ARHGEF4: variants seen among roughly 807,000 people sequenced by gnomAD.
ARHGEF4 encodes the protein APC-stimulated guanine nucleotide exchange factor 1.
A neutral mutation model predicts 162.0 loss-of-function variants in ARHGEF4; 119 were observed. That is an observed-to-expected ratio of 0.73 (90% CI 0.63 to 0.86). The LOEUF is 0.86. Ranked by LOEUF, ARHGEF4 falls within the 40% of genes least tolerant of loss-of-function variation. The pLI is 0.00. For synonymous variants in ARHGEF4, 1,014 were observed against 979.9 expected (o/e 1.03, Z -0.65); for missense variants, 2,488 against 2,456.0 (o/e 1.01, Z -0.28).
rs550602855 is a variant in ARHGEF4 at position 131,039,976 on chromosome 2, G to A, written c.4306-40G>A. On this transcript the variant is annotated intron_variant, in intron 6 of 13. Transcript: ENST00000409359. ...GGCGCAGGGCGCGGGGCGTTGCTCC[G>A]AGGGATGCGGGGCACTGACCGGCCA... 17 of 1,544,246 alleles carry A rather than the reference G, an allele frequency of 1.1e-5. No individual in the cohort carries two copies. The African/African-American group carries it at 1.8e-4, about 16-fold the overall frequency.
At chr2:130,912,266 G>T (rs981009408) in intron 1 of ARHGEF4, among the ~76,000 whole-genome samples, 3 of 152,252 alleles carry the variant, frequency 2.0e-5, no homozygotes, top group Admixed American at 6.5e-5. Context: ...CAGTCAGGGC[G>T]CCTGGCCCCA....
chr2:131,034,937 G>T, intron 5 of ARHGEF4: 1 of 974,970 alleles, frequency 1.0e-6, no homozygotes, highest in Non-Finnish European at 1.2e-6. Context: ...CAGGGCTTGG[G>T]GCCTGGGAGG....
rs1178134012 is a variant in ARHGEF4 at position 130,915,776 on chromosome 2, T to C, written c.1830T>C (p.Gly610=). ...GAEEGEQGPG[G]AGGRQLEPKA... is the part of the protein sequence containing the mutation. The stretch of plus-strand genomic sequence containing the variant: ...AGGAGGGTGAACAGGGGCCTGGGGG[T>C]GCCGGGGGCCGGCAGCTGGAGCCCA... The change falls in exon 2 of 14, where the codon GGT becomes GGC. Residue 610 remains glycine, a synonymous_variant. Transcript: ENST00000409359. 1.3e-6 allele frequency: 2 copies of C among 1,527,712 alleles called. No homozygotes were observed. Among genetic ancestry groups the C allele is most frequent in the Non-Finnish European group, 1.8e-6 (2 of 1,136,116 alleles). The allele number at this position is 1,527,712 out of a possible 1,614,324, so 94.6% of individuals were successfully genotyped here. A position where few individuals can be genotyped will look rare whatever the true frequency, so the allele number is the denominator to read the frequency against.
chr2:130,993,009 T>C (rs1031779773), intron 4 of ARHGEF4, among the ~76,000 whole-genome samples: 1 of 152,168 alleles, frequency 6.6e-6, no homozygotes, highest in African/African-American at 2.4e-5. Context: ...GTTTGAATCC[T>C]GGAGGCGGAG....
At chr2:130,991,323 C>T (rs936944818) in intron 4 of ARHGEF4, among the ~76,000 whole-genome samples, 1 of 152,270 alleles carries the variant, frequency 6.6e-6, no homozygotes, top group Non-Finnish European at 1.5e-5. Flanking sequence ...GGCGCCTCCT[C>T]TGCGTGGGCT....
intron 4 of ARHGEF4, among the ~76,000 whole-genome samples, chr2:130,952,762 A>G (rs1035951654): frequency 1.3e-5 from 2 of 152,244 alleles, no homozygotes; most frequent in Non-Finnish European, 2.9e-5. Context: ...ATTCCTATAC[A>G]CTAATAACAG....
chr2:130,965,861 GGA>G (rs146398828), intron 4 of ARHGEF4, among the ~76,000 whole-genome samples: 2 of 152,020 alleles, frequency 1.3e-5, no homozygotes, highest in Admixed American at 6.6e-5. Flanking sequence ...ATGAAGATCT[GGA>G]GAGAGAGAGA....
chr2:130,936,887 C>CTTTTTTT (rs78056401), intron 3 of ARHGEF4, among the ~76,000 whole-genome samples: 1 of 135,990 alleles, frequency 7.4e-6, no homozygotes, highest in African/African-American at 2.8e-5. Context: ...CTCTTTCTTT[C>CTTTTTTT]TTTTTTTTTT....
Position 131,046,214 on chromosome 2 carries a change from G to C in ARHGEF4, c.*25G>C. 2 of 1,590,282 alleles carry C rather than the reference G, an allele frequency of 1.3e-6. No individual in the cohort carries two copies. Among genetic ancestry groups the C allele is most frequent in the East Asian group, 2.3e-5 (1 of 44,030 alleles). ...AACTGGTCCCTGCCTGACAGCACCT[G>C]CTGGGCCTTCCTGCCAGTGGCCCCC... On this transcript the variant is annotated 3_prime_UTR_variant, in exon 14 of 14. Coordinates refer to ENST00000409359, the MANE Select transcript of ARHGEF4 (RefSeq NM_001367493.1).
chr2:130,873,255 G>A (rs1222976980), intron 1 of ARHGEF4, among the ~76,000 whole-genome samples: 1 of 152,166 alleles, frequency 6.6e-6, no homozygotes, highest in South Asian at 2.1e-4. Context: ...TGTGGCAAAG[G>A]TTCAACAAAT....
At chr2:130,871,364 T>C (rs1448063010) in intron 1 of ARHGEF4, among the ~76,000 whole-genome samples, 1 of 151,940 alleles carries the variant, frequency 6.6e-6, no homozygotes, top group African/African-American at 2.4e-5. Flanking sequence ...GGTGAAACCT[T>C]GTCTCTACTA....
intron 9 of ARHGEF4, 109 bp downstream of exon 9, chr2:131,041,571 A>G: frequency 8.1e-7 from 1 of 1,237,142 alleles, no homozygotes; most frequent in Non-Finnish European, 1.1e-6. Flanking sequence ...GGGGCAACAC[A>G]CAGAAAACTA....
chr2:130,985,583 A>C (rs1686428076), intron 4 of ARHGEF4, among the ~76,000 whole-genome samples: 1 of 152,142 alleles, frequency 6.6e-6, no homozygotes, highest in African/African-American at 2.4e-5. Flanking sequence ...TGATGTGATG[A>C]GTTTCAGTTC....
chr2:131,010,111 T>A (rs1688351075), intron 4 of ARHGEF4, among the ~76,000 whole-genome samples: 1 of 152,222 alleles, frequency 6.6e-6, no homozygotes, highest in Non-Finnish European at 1.5e-5. Context: ...GCCAGAGATT[T>A]GGGCAGAGCT....
intron 1 of ARHGEF4, among the ~76,000 whole-genome samples, chr2:130,853,988 G>A (rs1681591090): frequency 6.6e-6 from 1 of 152,180 alleles, no homozygotes; most frequent in Admixed American, 6.5e-5. Context: ...AGAGGTCTTA[G>A]TCCTCTTGTC....
In ARHGEF4 at chr2:130,978,560, C is replaced by T. The variant is rs555151986; in HGVS notation, c.3985+31925C>T. Among the ~76,000 whole-genome samples, 8 of 152,310 alleles carry T rather than the reference C, an allele frequency of 5.3e-5. No homozygotes were observed. The South Asian group carries it at 1.5e-3, about 28-fold the overall frequency. On this transcript the variant is annotated intron_variant, in intron 4 of 13. Transcript: ENST00000409359. ...TCAAAGCCCTGAGAAAATAACCAGT[C>T]CCTTCAATTGTGTCGCATTACAAAA...
intron 1 of ARHGEF4, among the ~76,000 whole-genome samples, chr2:130,906,718 G>A (rs1213806121): frequency 1.3e-5 from 2 of 152,160 alleles, no homozygotes; most frequent in African/African-American, 4.8e-5. Context: ...TTTGTCTTTA[G>A]CCTCTCAGTA....
intron 4 of ARHGEF4, among the ~76,000 whole-genome samples, chr2:131,002,144 C>G (rs1174167300): frequency 2.0e-5 from 3 of 152,162 alleles, no homozygotes; most frequent in Admixed American, 1.3e-4. Context: ...CAGTGGTAAA[C>G]AAGGTGCACG....
intron 1 of ARHGEF4, among the ~76,000 whole-genome samples, chr2:130,837,231 G>C (rs1456510564): frequency 2.0e-5 from 3 of 152,094 alleles, no homozygotes; most frequent in African/African-American, 7.2e-5. Context: ...GGGCGGTAGG[G>C]ACGGCGGCCC....
Sources: gnomAD v4.1 joint callset for allele counts (sites outside exome capture counted in the v4.1 genomes callset) on GRCh38, gnomAD v4.1.1 for gene constraint, MANE v1.5 for transcripts, NCBI Gene and HGNC (gene_info 2026-07-23, HGNC 2026-07-21) for gene names.